The following GALC variants were observed in gnomAD, a reference collection of about 807,000 sequenced individuals.
The protein encoded by GALC is galactosylceramidase.
In GALC, 77 loss-of-function variants were observed where a neutral mutation model predicts 91.8. The ratio of observed to expected loss-of-function variants is 0.84; its 90% CI spans 0.70 to 1.01. GALC has a LOEUF of 1.01. GALC is among the 50% of genes least tolerant of loss of function. GALC has a pLI of 0.00. For missense variants in GALC, 882 were observed against 855.9 expected, an observed-to-expected ratio of 1.03 and a Z score of -0.38; for synonymous variants, 357 against 306.7, an observed-to-expected ratio of 1.16 and a Z score of -1.71.
rs1885453089 is a variant in GALC at position 87,954,783 on chromosome 14, T to C, written c.1162-4035A>G. The C allele has an allele frequency of 1.1e-5, 17 of 1,593,184 alleles. 1 individual carries two copies. The South Asian group carries it at 1.3e-4, about 12-fold the overall frequency. ...TTTCTTCTCTTCCCAACATCATATA[T>C]ACTGGCTGCGCAAAATATGGATTGG... On this transcript the variant is annotated intron_variant, in intron 10 of 16. Coordinates refer to ENST00000261304, the MANE Select transcript of GALC (RefSeq NM_000153.4).
intron 12 of GALC, among the ~76,000 whole-genome samples, chr14:87,949,181 G>T (rs370880872): frequency 6.7e-6 from 1 of 149,726 alleles, no homozygotes; most frequent in African/African-American, 2.5e-5. Context: ...TCTAGGTGAA[G>T]AACACAGTAT....
chr14:87,948,915 T>C (rs891848769), intron 12 of GALC, among the ~76,000 whole-genome samples: 2 of 152,078 alleles, frequency 1.3e-5, no homozygotes, highest in African/African-American at 4.8e-5. Context: ...TGAAATAATG[T>C]GCTTGTTTGG....
chr14:87,969,154 C>A (rs541797971), intron 7 of GALC, among the ~76,000 whole-genome samples: 1 of 152,012 alleles, frequency 6.6e-6, no homozygotes, highest in Non-Finnish European at 1.5e-5. Context: ...GATTTTTGTC[C>A]CTGGAGGGAA....
At chr14:87,982,754 T>C (rs747622609) in intron 5 of GALC, among the ~76,000 whole-genome samples, 4 of 152,206 alleles carry the variant, frequency 2.6e-5, no homozygotes, top group Non-Finnish European at 5.9e-5. Flanking sequence ...TATATACATC[T>C]ATTAGGTTTA....
At chr14:87,944,548 C>T (rs435412) in intron 14 of GALC, among the ~76,000 whole-genome samples, 145,495 of 151,984 alleles carry the variant, frequency 0.96, 69,936 homozygotes, top group Non-Finnish European at 1. Context: ...AGAAATTCTG[C>T]GTAAAAACAC....
rs115987290 is a variant in GALC at position 87,945,938 on chromosome 14, T to C, written c.1490-205A>G. Among the ~76,000 whole-genome samples the C allele has an allele frequency of 4.5e-3, 678 of 152,182 alleles. 4 individuals carry two copies. Among genetic ancestry groups the C allele is most frequent in the African/African-American group, 0.015 (642 of 41,550 alleles). ...AAATATCAAGATGATGAGTTCGACATATAGATGCTGCATAATATTTAATCC... is the reference window on the plus strand; with the variant it reads ...AAATATCAAGATGATGAGTTCGACACATAGATGCTGCATAATATTTAATCC... On this transcript the variant is annotated intron_variant, in intron 13 of 16. Transcript: ENST00000261304.
intron 7 of GALC, among the ~76,000 whole-genome samples, chr14:87,975,757 T>TACACAC (rs61368820): frequency 1.9e-4 from 28 of 150,040 alleles, no homozygotes; most frequent in South Asian, 1.1e-3. Flanking sequence ...CACACATACA[T>TACACAC]ACACACACAC....
At chr14:87,955,900 T>C (rs1167841009) in intron 10 of GALC, among the ~76,000 whole-genome samples, 2 of 151,876 alleles carry the variant, frequency 1.3e-5, no homozygotes, top group African/African-American at 4.8e-5. Flanking sequence ...GTACTTATTC[T>C]GTAAGTTCAG....
intron 10 of GALC, chr14:87,953,018 G>T: frequency 8.6e-7 from 1 of 1,159,104 alleles, no homozygotes; most frequent in South Asian, 1.2e-5. Context: ...CAGCTATGTT[G>T]GATTTGGTTT....
Position 87,934,589 on chromosome 14 carries a change from T to C in GALC, c.*143A>G, listed in dbSNP as rs1350745766. The C allele has an allele frequency of 6.6e-7, 1 of 1,509,268 alleles. No individual in the cohort carries two copies. Among genetic ancestry groups the C allele is most frequent in the Admixed American group, 2.2e-5 (1 of 45,046 alleles). The allele number at this position is 1,509,268 out of a possible 1,614,324, so 93.5% of individuals were successfully genotyped here. On this transcript the variant is annotated 3_prime_UTR_variant, in exon 17 of 17. Coordinates refer to ENST00000261304, the MANE Select transcript of GALC (RefSeq NM_000153.4). Reference sequence around the variant, plus strand: ...AATCTTCCACAGGGTAAATTAAAAATAAATTTCTCTCCCCTTTTACTCTTC... The same window carrying C: ...AATCTTCCACAGGGTAAATTAAAAACAAATTTCTCTCCCCTTTTACTCTTC...
intron 10 of GALC, among the ~76,000 whole-genome samples, chr14:87,956,327 T>G (rs901077109): frequency 6.6e-6 from 1 of 151,664 alleles, no homozygotes; most frequent in Non-Finnish European, 1.5e-5. Flanking sequence ...ACTAAGTAAA[T>G]AAATAAACAA....
intron 15 of GALC, 124 bp from the exon 16 acceptor site, chr14:87,940,105 T>C (rs1884773449): frequency 1.3e-6 from 1 of 785,734 alleles, no homozygotes; most frequent in Non-Finnish European, 2.2e-6. Flanking sequence ...CAGAGAGCTA[T>C]GTCCCTTCAT....
At chr14:87,976,762 G>A (rs183934298) in intron 6 of GALC, 11 of 378,020 alleles carry the variant, frequency 2.9e-5, no homozygotes, top group Non-Finnish European at 3.0e-5. Context: ...TTACAGGCAC[G>A]CGCCACCACG....
rs1489155212 is a variant in GALC at position 87,993,002 on chromosome 14, A to G, written c.163T>C (p.Phe55Leu). ...LDDSDGLGRE[F>L]DGIGAVSGGG... ...CCGCTGACCGCGCCGATGCCGTCGA[A>G]CTCCCGGCCCAGCCCGTCGGAGTCG... Residue 55 changes from phenylalanine (F) to leucine (L), a missense_variant, in exon 1 of 17, where the codon TTC becomes CTC. Transcript: ENST00000261304. 1 of 1,536,506 alleles carries G rather than the reference A, an allele frequency of 6.5e-7. No individual in the cohort carries two copies. Among genetic ancestry groups the G allele is most frequent in the East Asian group, 2.6e-5 (1 of 38,804 alleles).
At chr14:87,938,869 T>C (rs914172545) in intron 16 of GALC, among the ~76,000 whole-genome samples, 3 of 151,952 alleles carry the variant, frequency 2.0e-5, no homozygotes, top group Admixed American at 1.3e-4. Context: ...AGGAAGAGCA[T>C]AGTTGTGACG....
chr14:87,956,559 CCATA>C (rs1264813272), intron 10 of GALC, among the ~76,000 whole-genome samples: 24 of 147,744 alleles, frequency 1.6e-4, no homozygotes, highest in African/African-American at 4.0e-4. Context: ...TATACACGCA[CCATA>C]TATATATATA....
intron 7 of GALC, among the ~76,000 whole-genome samples, chr14:87,970,897 G>C (rs960705691): frequency 4.4e-5 from 6 of 135,816 alleles, no homozygotes; most frequent in African/African-American, 1.1e-4. Context: ...AAAAAAAAAA[G>C]AATATAAATT....
intron 8 of GALC, among the ~76,000 whole-genome samples, chr14:87,968,082 C>G (rs1886129339): frequency 6.6e-6 from 1 of 152,040 alleles, no homozygotes; most frequent in Admixed American, 6.6e-5. Context: ...TGTCAAAAAT[C>G]AGAGAGCTGC....
At chr14:87,969,491 A>C (rs1886191523) in intron 7 of GALC, among the ~76,000 whole-genome samples, 1 of 152,236 alleles carries the variant, frequency 6.6e-6, no homozygotes, top group Non-Finnish European at 1.5e-5. Flanking sequence ...AGGAATAAAA[A>C]CAATAAATTT....
Sources: gnomAD v4.1 joint callset for allele counts (sites outside exome capture counted in the v4.1 genomes callset) on GRCh38, gnomAD v4.1.1 for gene constraint, MANE v1.5 for transcripts, NCBI Gene and HGNC (gene_info 2026-07-23, HGNC 2026-07-21) for gene names.